PXDNL: variants seen among roughly 807,000 people sequenced by gnomAD.
PXDNL encodes peroxidasin like, also known as probable oxidoreductase PXDNL.
Under a neutral mutation model 150.8 loss-of-function variants are expected in PXDNL, and 145 were observed. That is an observed-to-expected ratio of 0.96 (90% CI 0.84 to 1.10). The LOEUF is 1.10. PXDNL is among the 50% of genes least tolerant of loss of function. PXDNL has a pLI of 0.00. For missense variants in PXDNL, 2,087 were observed against 1,873.9 expected, an observed-to-expected ratio of 1.11 and a Z score of -2.10; for synonymous variants, 757 against 725.7, an observed-to-expected ratio of 1.04 and a Z score of -0.69.
chr8:51,796,229 C>T (rs1345267913), intron 1 of PXDNL, among the ~76,000 whole-genome samples: 1 of 150,578 alleles, frequency 6.6e-6, no homozygotes, highest in East Asian at 2.0e-4. Flanking sequence ...TAAGAGAAAA[C>T]AAACTCCAAA....
chr8:51,625,333 C>A (rs574629382), intron 2 of PXDNL, among the ~76,000 whole-genome samples: 1 of 152,180 alleles, frequency 6.6e-6, no homozygotes, highest in African/African-American at 2.4e-5. Context: ...TCTCAAATTA[C>A]GTAGCGCCCC....
At chr8:51,381,862 A>C (rs1273202699) in intron 17 of PXDNL, among the ~76,000 whole-genome samples, 1 of 151,924 alleles carries the variant, frequency 6.6e-6, no homozygotes, top group African/African-American at 2.4e-5. Flanking sequence ...TGATTTAATA[A>C]GAAAAATAGA....
At chr8:51,405,275 A>G (rs1418251077) in intron 17 of PXDNL, among the ~76,000 whole-genome samples, 1 of 152,186 alleles carries the variant, frequency 6.6e-6, no homozygotes, top group Non-Finnish European at 1.5e-5. Context: ...CTGAGTGGGT[A>G]CCGAGGCCGA....
At chr8:51,720,776 A>G (rs915680692) in intron 1 of PXDNL, among the ~76,000 whole-genome samples, 4 of 152,226 alleles carry the variant, frequency 2.6e-5, no homozygotes. Flanking sequence ...ATATTCACAC[A>G]GTCGGCTAGT....
At chr8:51,326,125 C>T (rs137918786) in intron 21 of PXDNL, among the ~76,000 whole-genome samples, 1,932 of 152,286 alleles carry the variant, frequency 0.013, 23 homozygotes, top group Non-Finnish European at 0.02. Flanking sequence ...GATCAGTCTG[C>T]TTTCTTGCTC....
intron 1 of PXDNL, among the ~76,000 whole-genome samples, chr8:51,806,161 A>G (rs187906334): frequency 3.8e-4 from 58 of 152,324 alleles, no homozygotes; most frequent in Non-Finnish European, 2.1e-4. Flanking sequence ...ACTGTAACCA[A>G]TCTTAAAAAT....
intron 21 of PXDNL, among the ~76,000 whole-genome samples, chr8:51,321,327 A>G (rs1170729852): frequency 1.3e-5 from 2 of 152,244 alleles, no homozygotes; most frequent in African/African-American, 4.8e-5. Flanking sequence ...GATGAAAGCA[A>G]GCAGACCAGG....
At chr8:51,412,636 C>A (rs975995881) in intron 15 of PXDNL, among the ~76,000 whole-genome samples, 1 of 152,164 alleles carries the variant, frequency 6.6e-6, no homozygotes, top group African/African-American at 2.4e-5. Flanking sequence ...ATGATGAAAT[C>A]AACAATCATT....
intron 7 of PXDNL, among the ~76,000 whole-genome samples, chr8:51,472,933 A>G (rs1418389731): frequency 2.0e-5 from 3 of 152,184 alleles, no homozygotes; most frequent in Non-Finnish European, 4.4e-5. Context: ...TTAGTTTTCT[A>G]TAGTTTCACC....
chr8:51,735,609 G>C (rs1223351604), intron 1 of PXDNL, among the ~76,000 whole-genome samples: 3 of 133,306 alleles, frequency 2.3e-5, no homozygotes, highest in Middle Eastern at 3.8e-3. Context: ...TGCAGTGGCG[G>C]GATCTCGGCT....
At chr8:51,417,897 T>TTG (rs2129683741) in intron 14 of PXDNL, among the ~76,000 whole-genome samples, 1 of 152,332 alleles carries the variant, frequency 6.6e-6, no homozygotes, top group South Asian at 2.1e-4. Flanking sequence ...GCTCCACTGT[T>TTG]TTTTCAGAGA....
chr8:51,344,677 G>C (rs1323623804), intron 20 of PXDNL, among the ~76,000 whole-genome samples: 2 of 152,228 alleles, frequency 1.3e-5, no homozygotes, highest in Non-Finnish European at 2.9e-5. Context: ...TTGGCATTCA[G>C]TGAACACTAC....
At chr8:51,502,777 T>C (rs1811213809) in intron 4 of PXDNL, among the ~76,000 whole-genome samples, 1 of 152,132 alleles carries the variant, frequency 6.6e-6, no homozygotes, top group South Asian at 2.1e-4. Context: ...CCATCATTGA[T>C]CAAATGTGCA....
chr8:51,654,397 C>T (rs1481032002), intron 2 of PXDNL, among the ~76,000 whole-genome samples: 4 of 152,168 alleles, frequency 2.6e-5, no homozygotes, highest in Non-Finnish European at 5.9e-5. Flanking sequence ...TGCCATGGGA[C>T]TCATAGACAA....
At chr8:51,549,541 AT>A (rs1812437215) in intron 4 of PXDNL, among the ~76,000 whole-genome samples, 1 of 152,168 alleles carries the variant, frequency 6.6e-6, no homozygotes, top group South Asian at 2.1e-4. Context: ...TCTCAAAAAT[AT>A]ACAAATACAT....
intron 3 of PXDNL, among the ~76,000 whole-genome samples, chr8:51,577,922 G>GAAA (rs200007475): frequency 2.5e-5 from 2 of 80,372 alleles, no homozygotes; most frequent in Non-Finnish European, 4.6e-5. Context: ...AGAAAAGAAA[G>GAAA]AAAAGAAAGA....
chr8:51,387,954 A>AT (rs991207599), intron 17 of PXDNL, among the ~76,000 whole-genome samples: 4 of 152,088 alleles, frequency 2.6e-5, no homozygotes, highest in African/African-American at 9.7e-5. Flanking sequence ...ACTGACAAGC[A>AT]TTTTTTAATG....
At chr8:51,702,479 A>G (rs1027758582) in intron 1 of PXDNL, among the ~76,000 whole-genome samples, 1 of 152,244 alleles carries the variant, frequency 6.6e-6, no homozygotes, top group Non-Finnish European at 1.5e-5. Flanking sequence ...CAAACCTTGC[A>G]GTTTTCACTA....
Position 51,608,316 on chromosome 8 carries a change from G to A in PXDNL, c.237-15618C>T, listed in dbSNP as rs574729636. Among the ~76,000 whole-genome samples, 35 of 145,516 alleles carry A rather than the reference G, an allele frequency of 2.4e-4. 2 individuals carry two copies. The highest frequency in any genetic ancestry group is 8.6e-4 in the African/African-American group (32 of 37,174). On this transcript the variant is annotated intron_variant, in intron 2 of 22. Transcript: ENST00000356297. ...AGGCAGGAGAATGGCGTGAACCCGG[G>A]AGGCGGAGTTTGCAGTGAGCCGAGA...
Sources: gnomAD v4.1 joint callset for allele counts (sites outside exome capture counted in the v4.1 genomes callset) on GRCh38, gnomAD v4.1.1 for gene constraint, MANE v1.5 for transcripts, NCBI Gene and HGNC (gene_info 2026-07-23, HGNC 2026-07-21) for gene names.